The following SLC27A6 variants were observed in gnomAD, a reference collection of about 807,000 sequenced individuals.
SLC27A6 encodes solute carrier family 27 member 6, also known as long-chain fatty acid transport protein 6.
In SLC27A6, 74 loss-of-function variants were observed where a neutral mutation model predicts 63.9. The observed-to-expected ratio is 1.16, with a 90% CI of 0.96 to 1.40. SLC27A6 has a LOEUF of 1.40. SLC27A6 is among the 40% of genes most tolerant of loss of function. The pLI, the probability that SLC27A6 is intolerant of heterozygous loss-of-function variation, is 0.00. For missense variants in SLC27A6, 794 were observed against 732.9 expected (o/e 1.08, Z -0.96); for synonymous variants, 287 against 260.8 (o/e 1.10, Z -0.97).
intron 6 of SLC27A6, among the ~76,000 whole-genome samples, chr5:129,023,952 G>T (rs533477359): frequency 6.6e-6 from 1 of 151,852 alleles, no homozygotes; most frequent in South Asian, 2.1e-4. Flanking sequence ...AAATAGGGTC[G>T]TATGGTATTT....
intron 4 of SLC27A6, among the ~76,000 whole-genome samples, chr5:128,995,323 CTCAT>C (rs577300886): frequency 2.0e-5 from 3 of 152,030 alleles, no homozygotes; most frequent in African/African-American, 4.8e-5. Context: ...TATTCATTTC[CTCAT>C]TCATTCATTC....
intron 4 of SLC27A6, among the ~76,000 whole-genome samples, chr5:128,998,978 A>G (rs1237858961): frequency 6.6e-6 from 1 of 152,208 alleles, no homozygotes; most frequent in African/African-American, 2.4e-5. Flanking sequence ...ACCATGTGAC[A>G]TAGGGCAATT....
chr5:128,974,652 G>A (rs1462109227), intron 1 of SLC27A6, among the ~76,000 whole-genome samples: 1 of 152,194 alleles, frequency 6.6e-6, no homozygotes, highest in Non-Finnish European at 1.5e-5. Context: ...CCCCCAGGGA[G>A]AGTATATTGA....
At position 128,966,079 on chromosome 5, in the gene SLC27A6, G is replaced by A; in HGVS notation, c.-59G>A. ...CGGTCTCCGTGGAGAGCTGTGCCTG[G>A]AAGAGAAGGACGCTGGTGGGGGCTG... On this transcript the variant is annotated 5_prime_UTR_variant, in exon 1 of 10. Coordinates refer to ENST00000262462, the MANE Select transcript of SLC27A6 (RefSeq NM_001017372.3). 3 of 1,511,582 alleles carry A rather than the reference G, an allele frequency of 2.0e-6. No homozygotes were observed. The highest frequency in any genetic ancestry group is 2.3e-5 in the Admixed American group (1 of 43,566). 93.6% of individuals were successfully genotyped at this position (1,511,582 alleles called of 1,614,324 possible). A position where few individuals can be genotyped will look rare whatever the true frequency, so the allele number is the denominator to read the frequency against.
chr5:129,031,198 AT>A (rs1241819940), intron 9 of SLC27A6, among the ~76,000 whole-genome samples: 1 of 152,070 alleles, frequency 6.6e-6, no homozygotes, highest in Non-Finnish European at 1.5e-5. Context: ...CATGACTGTT[AT>A]GTTTATTAGA....
At chr5:129,015,745 T>C (rs1006265498) in intron 4 of SLC27A6, 140 bp from the exon 5 acceptor site, 10 of 586,950 alleles carry the variant, frequency 1.7e-5, no homozygotes, top group African/African-American at 3.9e-5. Flanking sequence ...AGTTCTGCAA[T>C]AGACTTATAC....
Position 128,990,944 on chromosome 5 carries a change from G to A in SLC27A6, c.969+480G>A, listed in dbSNP as rs554510498. Among the ~76,000 whole-genome samples, 11 of 152,320 alleles carry A rather than the reference G, an allele frequency of 7.2e-5. No individual in the cohort carries two copies. The East Asian group carries it at 1.4e-3, about 19-fold the overall frequency. ...AAGTCAGCAGCGGGTCTGCGATGGC[G>A]GAGATCAGCAGTGGTGGACGGTGAG... is the stretch of plus-strand genomic sequence containing the variant. On this transcript the variant is annotated intron_variant, in intron 4 of 9. Transcript: ENST00000262462.
intron 5 of SLC27A6, among the ~76,000 whole-genome samples, chr5:129,021,281 G>A (rs972131840): frequency 6.6e-5 from 10 of 151,732 alleles, no homozygotes; most frequent in East Asian, 1.9e-4. Flanking sequence ...TCTTTTGGGG[G>A]CAAGGTTAAA....
chr5:129,006,645 G>A (rs1751550727), intron 4 of SLC27A6, among the ~76,000 whole-genome samples: 1 of 151,938 alleles, frequency 6.6e-6, no homozygotes, highest in Admixed American at 6.6e-5. Context: ...CCTGAAACAT[G>A]TTACTGGTAA....
In SLC27A6 at chr5:129,027,150, A is replaced by G. The variant is rs753668750; in HGVS notation, c.1273A>G (p.Ile425Val). The change falls in exon 7 of 10, where the codon ATT (isoleucine) becomes GTT (valine). Residue 425 changes from isoleucine to valine, a missense_variant. Transcript: ENST00000262462. The part of the protein sequence containing the change: ...HVKKGEPGLL[I>V]SRVNAKNPFF... Reference sequence around the variant, plus strand: ...TCTTGCAGGAGAACCTGGACTTCTCATTTCTCGAGTGAATGCAAAAAATCC... The same window carrying G: ...TCTTGCAGGAGAACCTGGACTTCTCGTTTCTCGAGTGAATGCAAAAAATCC... The G allele has an allele frequency of 1.2e-6, 2 of 1,613,346 alleles. No homozygotes were observed. The highest frequency in any genetic ancestry group is 4.5e-5 in the East Asian group (2 of 44,836).
In SLC27A6 at chr5:128,968,286, A is replaced by G. The variant is rs187629903; in HGVS notation, c.481+1668A>G. 7.1e-4 allele frequency among the ~76,000 whole-genome samples: 108 copies of G among 152,234 alleles called. No homozygotes were observed. The East Asian group carries it at 0.017, about 24-fold the overall frequency. On this transcript the variant is annotated intron_variant, in intron 1 of 9. Transcript: ENST00000262462. Reference sequence around the variant, plus strand: ...CTTTGGGTATATACCCGGTAATGGGATGGCTGGGTCAAATGGTATTTCTAG... The same window carrying G: ...CTTTGGGTATATACCCGGTAATGGGGTGGCTGGGTCAAATGGTATTTCTAG...
intron 1 of SLC27A6, among the ~76,000 whole-genome samples, chr5:128,972,601 T>C (rs1414204669): frequency 6.6e-6 from 1 of 152,234 alleles, no homozygotes; most frequent in Non-Finnish European, 1.5e-5. Flanking sequence ...TCTCGTGCCA[T>C]GGTTTTCAGC....
At chr5:129,019,435 GA>G (rs199512421) in intron 5 of SLC27A6, among the ~76,000 whole-genome samples, 24 of 146,532 alleles carry the variant, frequency 1.6e-4, no homozygotes, top group East Asian at 1.2e-3. Context: ...ATAAAGCTCG[GA>G]AAAAAAAAGA....
At chr5:128,967,741 G>T (rs899893948) in intron 1 of SLC27A6, among the ~76,000 whole-genome samples, 14 of 150,356 alleles carry the variant, frequency 9.3e-5, no homozygotes, top group African/African-American at 3.2e-4. Flanking sequence ...AGTGGCAAAT[G>T]TATACTTTTT....
chr5:129,000,339 T>C (rs1339066106), intron 4 of SLC27A6, among the ~76,000 whole-genome samples: 2 of 152,202 alleles, frequency 1.3e-5, no homozygotes, highest in Non-Finnish European at 2.9e-5. Context: ...TATGTATTAT[T>C]ATATCCTTAG....
rs1752147645 is a variant in SLC27A6 at position 129,023,708 on chromosome 5, A to C, written c.1253A>C (p.Lys418Thr). Residue 418 changes from lysine to threonine, a missense_variant and splice_region_variant, in exon 6 of 10, where the codon AAA becomes ACA. Physicochemically the swap from Lys to Thr is moderately conservative, Grantham distance 78. Transcript: ENST00000262462. Reference sequence around the variant, plus strand: ...CAGGGTTGGTGTATTCATGTGAAAAAAGGTAAGACTTCTATTTGAAGACAT... The same window carrying C: ...CAGGGTTGGTGTATTCATGTGAAAACAGGTAAGACTTCTATTTGAAGACAT... ...NEQGWCIHVK[K>T]GEPGLLISRV... The C allele has an allele frequency of 6.2e-7, 1 of 1,600,306 alleles. No individual in the cohort carries two copies. The highest frequency in any genetic ancestry group is 1.3e-5 in the African/African-American group (1 of 74,406).
At chr5:129,024,905 A>C (rs907194046) in intron 6 of SLC27A6, among the ~76,000 whole-genome samples, 15 of 152,184 alleles carry the variant, frequency 9.9e-5, no homozygotes, top group African/African-American at 3.1e-4. Flanking sequence ...TCTATTAAAA[A>C]ACAAATCTCC....
intron 8 of SLC27A6, among the ~76,000 whole-genome samples, chr5:129,028,866 A>G (rs1752330631): frequency 6.6e-6 from 1 of 151,930 alleles, no homozygotes; most frequent in South Asian, 2.1e-4. Flanking sequence ...TTAAATTTGG[A>G]CTCATTATCC....
At chr5:129,028,529 AT>A in intron 8 of SLC27A6, 87 bp downstream of exon 8, 1 of 782,800 alleles carries the variant, frequency 1.3e-6, no homozygotes, top group South Asian at 1.7e-5. Flanking sequence ...CTAATTCAAC[AT>A]TTTAATTTTT....
Sources: allele counts gnomAD v4.1 joint callset (sites outside exome capture counted in the v4.1 genomes callset), GRCh38; gene constraint gnomAD v4.1.1; transcripts MANE v1.5; gene names NCBI Gene and HGNC (gene_info 2026-07-23, HGNC 2026-07-21).